NFIB: variants seen among roughly 807,000 people sequenced by gnomAD.
The protein encoded by NFIB is nuclear factor 1 B-type.
NFIB carries 11 observed loss-of-function variants against 61.5 expected under a neutral mutation model. The observed-to-expected ratio is 0.18, with a 90% confidence interval of 0.11 to 0.30. The LOEUF is 0.30. Among genes scored for constraint, NFIB ranks in the 10% least tolerant of loss-of-function variants. The pLI is 1.00. For missense variants in NFIB, 471 were observed against 608.9 expected (o/e 0.77, Z 2.38); for synonymous variants, 260 against 216.5 (o/e 1.20, Z -1.76).
intron 10 of NFIB, among the ~76,000 whole-genome samples, chr9:14,108,674 G>A (rs961381242): frequency 1.3e-5 from 2 of 151,912 alleles, no homozygotes; most frequent in East Asian, 1.9e-4. Context: ...AATTGATCAG[G>A]CCACTGATTC....
At chr9:14,112,928 G>C in intron 10 of NFIB, 71 bp downstream of exon 10, 2 of 1,442,328 alleles carry the variant, frequency 1.4e-6, no homozygotes, top group Non-Finnish European at 1.9e-6. Flanking sequence ...GTCCGGATCT[G>C]AGAGGCAACA....
chr9:14,379,850 T>A (rs1042192506), intron 1 of NFIB, among the ~76,000 whole-genome samples: 10 of 151,972 alleles, frequency 6.6e-5, no homozygotes, highest in Non-Finnish European at 1.2e-4. Flanking sequence ...ACCCAGCTAG[T>A]TTTTGTATTT....
intron 6 of NFIB, among the ~76,000 whole-genome samples, chr9:14,137,782 C>T (rs777607810): frequency 6.6e-6 from 1 of 152,038 alleles, no homozygotes; most frequent in Non-Finnish European, 1.5e-5. Context: ...ATATATCACA[C>T]ACTTCTACTA....
chr9:14,369,503 C>G (rs1426910969), intron 1 of NFIB, among the ~76,000 whole-genome samples: 1 of 151,946 alleles, frequency 6.6e-6, no homozygotes. Context: ...ATCTACCTAC[C>G]AGAGTCTTCA....
the NFIB span, among the ~76,000 whole-genome samples, chr9:14,411,974 C>T: frequency 3.3e-5 from 5 of 152,290 alleles, no homozygotes; most frequent in South Asian, 6.2e-4. Context: ...CCAACAGCCA[C>T]GTGAGTGAGC....
chr9:14,099,447 CT>C (rs2035383403), intron 10 of NFIB, among the ~76,000 whole-genome samples: 6 of 152,040 alleles, frequency 3.9e-5, no homozygotes, highest in African/African-American at 1.2e-4. Context: ...TTTCAAAATT[CT>C]TTCAATGTTT....
chr9:14,342,879 T>C (rs1564019440), intron 1 of NFIB, among the ~76,000 whole-genome samples: 1 of 152,208 alleles, frequency 6.6e-6, no homozygotes, highest in Non-Finnish European at 1.5e-5. Context: ...ATTTCCTATT[T>C]CTGTTTTTCA....
Position 14,396,908 on chromosome 9 carries a change from T to C in NFIB, c.108+1616A>G, listed in dbSNP as rs1000520826. On this transcript the variant is annotated intron_variant, in intron 1 of 8. Transcript: ENST00000380934. ...AAAGAAGAGAGGTGCCCCAAGAATGTGGGGATGCAGATGGATTTGGGAGGA... is the reference window on the plus strand; with the variant it reads ...AAAGAAGAGAGGTGCCCCAAGAATGCGGGGATGCAGATGGATTTGGGAGGA... Among the ~76,000 whole-genome samples the C allele has an allele frequency of 6.6e-5, 10 of 152,222 alleles. No homozygotes were observed. In the South Asian group the frequency reaches 1.2e-3, roughly 19 times the overall value.
At chr9:14,286,996 T>G (rs975074193) in intron 2 of NFIB, among the ~76,000 whole-genome samples, 6 of 152,190 alleles carry the variant, frequency 3.9e-5, no homozygotes, top group Admixed American at 3.9e-4. Context: ...ACCTGATCAC[T>G]GTCATCTAAG....
At chr9:14,398,831 A>C (rs1474824037) in exon 1 of NFIB, 6 of 507,450 alleles carry the variant, frequency 1.2e-5, no homozygotes, top group Non-Finnish European at 2.1e-5. Context: ...AAATAGAACA[A>C]GAACAAAGGG....
intron 2 of NFIB, among the ~76,000 whole-genome samples, chr9:14,255,169 G>A (rs757467453): frequency 6.6e-6 from 1 of 152,120 alleles, no homozygotes; most frequent in South Asian, 2.1e-4. Flanking sequence ...GCTGCAGTGA[G>A]CTATGATCAC....
chr9:14,218,301 CAA>C (rs2051194339), intron 2 of NFIB, among the ~76,000 whole-genome samples: 1 of 152,076 alleles, frequency 6.6e-6, no homozygotes, highest in Non-Finnish European at 1.5e-5. Context: ...ATGATATACT[CAA>C]GAGTCTGACT....
At chr9:14,110,800 A>T (rs2037239248) in intron 10 of NFIB, among the ~76,000 whole-genome samples, 1 of 152,106 alleles carries the variant, frequency 6.6e-6, no homozygotes, top group South Asian at 2.1e-4. Flanking sequence ...ACTAATATAC[A>T]TCTATAGCAT....
In NFIB at chr9:14,340,971, T is replaced by A. The variant is rs966560606; in HGVS notation, c.109-33451A>T. 6.6e-5 allele frequency among the ~76,000 whole-genome samples: 10 copies of A among 151,296 alleles called. 1 individual carries two copies. The highest frequency in any genetic ancestry group is 3.3e-4 in the Admixed American group (5 of 15,196). On this transcript the variant is annotated intron_variant, in intron 1 of 8. Transcript: ENST00000380934. ...GTAGTGGTTCTTATTTATACGTTAA[T>A]ACTCGTTGTACCCATTGCAGTAACA...
chr9:14,156,888 T>C (rs2043479931), intron 3 of NFIB, among the ~76,000 whole-genome samples: 1 of 152,144 alleles, frequency 6.6e-6, no homozygotes, highest in African/African-American at 2.4e-5. Flanking sequence ...AACTGGCAAT[T>C]TGACTGGATT....
chr9:14,351,456 G>A (rs540806571), intron 1 of NFIB, among the ~76,000 whole-genome samples: 3 of 152,252 alleles, frequency 2.0e-5, no homozygotes, highest in Non-Finnish European at 2.9e-5. Flanking sequence ...CACCCCTTCT[G>A]CCTACCAAGG....
intron 1 of NFIB, among the ~76,000 whole-genome samples, chr9:14,356,357 A>C (rs1220722350): frequency 4.6e-5 from 7 of 152,050 alleles, no homozygotes; most frequent in Non-Finnish European, 7.4e-5. Context: ...TTTCCCAGGG[A>C]TGGATACTGA....
chr9:14,307,600 C>T lies in NFIB; in HGVS notation c.31-80G>A, dbSNP rs1418202592. 1 of 1,355,730 alleles carries T rather than the reference C, an allele frequency of 7.4e-7. No individual in the cohort carries two copies. Among genetic ancestry groups the T allele is most frequent in the Non-Finnish European group, 9.8e-7 (1 of 1,016,758 alleles). The allele number at this position is 1,355,730 out of a possible 1,614,324, so 84.0% of individuals were successfully genotyped here. Reference sequence around the variant, plus strand: ...AGCTCAAAAAATAAGAAAAGAAGACCACAACCCGTTTCCAATTCAGTACAA... The same window carrying T: ...AGCTCAAAAAATAAGAAAAGAAGACTACAACCCGTTTCCAATTCAGTACAA... On this transcript the variant is annotated intron_variant, in intron 1 of 10. Transcript: ENST00000380953. The surrounding 1 kb of genome is among the most constrained non-coding windows in gnomAD (Gnocchi z 5.3).
At chr9:14,298,090 G>A (rs1457587654) in intron 2 of NFIB, among the ~76,000 whole-genome samples, 1 of 152,114 alleles carries the variant, frequency 6.6e-6, no homozygotes, top group Non-Finnish European at 1.5e-5. Context: ...ACTATGTCAT[G>A]AAATTTAGCT....
Sources: allele counts gnomAD v4.1 joint callset (sites outside exome capture counted in the v4.1 genomes callset), GRCh38; gene constraint gnomAD v4.1.1; non-coding constraint Gnocchi (gnomAD v3.1); transcripts MANE v1.5; gene names NCBI Gene and HGNC (gene_info 2026-07-23, HGNC 2026-07-21).